The following USP50 variants were observed in gnomAD, a reference collection of about 807,000 sequenced individuals.
The protein encoded by USP50 is ubiquitin specific peptidase 50.
Under a neutral mutation model 39.2 loss-of-function variants are expected in USP50, and 37 were observed. The observed-to-expected ratio is 0.94, with a 90% confidence interval of 0.73 to 1.24. The LOEUF is 1.24. Ranked by LOEUF, USP50 falls within the 50% of genes most tolerant of loss-of-function variation. The pLI is 0.00. For synonymous variants in USP50, 139 were observed against 144.5 expected, an observed-to-expected ratio of 0.96 and a Z score of 0.27; for missense variants, 374 against 398.2, an observed-to-expected ratio of 0.94 and a Z score of 0.52.
chr15:50,510,059 TTAATA>T (rs1211442001), intron 6 of USP50: 3 of 152,042 alleles, frequency 2.0e-5, no homozygotes, highest in Non-Finnish European at 4.4e-5. Context: ...TTTAATAAAT[TTAATA>T]TTTTATAGCT....
intron 4 of USP50, 140 bp from the exon 5 acceptor site, chr15:50,538,991 A>C (rs1788224149): frequency 1.2e-6 from 1 of 852,170 alleles, no homozygotes; most frequent in African/African-American, 1.7e-5. Flanking sequence ...AGAAGACAAC[A>C]GTCTCACTAG....
intron 3 of USP50, among the ~76,000 whole-genome samples, chr15:50,543,309 A>G (rs1449737298): frequency 6.6e-6 from 1 of 152,248 alleles, no homozygotes; most frequent in African/African-American, 2.4e-5. Flanking sequence ...CTAGCTGACC[A>G]CTGGAAATGC....
intron 5 of USP50, among the ~76,000 whole-genome samples, chr15:50,537,502 A>T (rs1321652537): frequency 6.6e-6 from 1 of 151,850 alleles, no homozygotes; most frequent in Non-Finnish European, 1.5e-5. Context: ...AAGAGAATAA[A>T]AAACAAGCCA....
At chr15:50,493,918 G>A, downstream of USP50, 1 of 936,492 alleles carries the variant, frequency 1.1e-6, no homozygotes, top group Non-Finnish European at 1.7e-6. Context: ...AGATTCAGAT[G>A]AGAATCTGGT....
intron 6 of USP50, among the ~76,000 whole-genome samples, chr15:50,517,724 T>C (rs745714276): frequency 7.2e-5 from 11 of 152,092 alleles, no homozygotes; most frequent in Non-Finnish European, 1.6e-4. Context: ...GTTTTTTTTG[T>C]TTGTTTTTTC....
chr15:50,500,032 A>G (rs2052553151), downstream of USP50: 1 of 152,182 alleles, frequency 6.6e-6, no homozygotes, highest in Non-Finnish European at 1.5e-5. Context: ...AAAGGAGCTT[A>G]TAATTTATTT....
intron 5 of USP50, among the ~76,000 whole-genome samples, chr15:50,530,589 T>TA (rs1233831103): frequency 1.1e-4 from 16 of 150,264 alleles, no homozygotes; most frequent in African/African-American, 2.0e-4. Context: ...TTTCCAAAAA[T>TA]AAAAAATAAA....
At chr15:50,525,644 G>GTATATTA (rs2052888249) in intron 6 of USP50, among the ~76,000 whole-genome samples, 2 of 80,960 alleles carry the variant, frequency 2.5e-5, no homozygotes, top group African/African-American at 8.8e-5. Flanking sequence ...ATGTATATGT[G>GTATATTA]TATATGTATA....
At chr15:50,530,124 T>C (rs1399069681) in intron 5 of USP50, among the ~76,000 whole-genome samples, 195 bp from the exon 6 acceptor site, 1 of 152,042 alleles carries the variant, frequency 6.6e-6, no homozygotes, top group Non-Finnish European at 1.5e-5. Context: ...CTGAGTAACA[T>C]GGCAAAACCC....
intron 6 of USP50, among the ~76,000 whole-genome samples, chr15:50,521,310 G>A (rs1392904683): frequency 6.6e-6 from 1 of 152,134 alleles, no homozygotes; most frequent in Non-Finnish European, 1.5e-5. Flanking sequence ...TCAAAGTGCT[G>A]AGATTACAGG....
intron 5 of USP50, among the ~76,000 whole-genome samples, chr15:50,538,273 CAAAAAAA>C (rs766139797): frequency 2.6e-3 from 45 of 17,296 alleles, no homozygotes; most frequent in African/African-American, 5.1e-3. Flanking sequence ...GAGACTGTCT[CAAAAAAA>C]AAAAAAAAAA....
chr15:50,508,808 G>A (rs2052697361), intron 6 of USP50: 1 of 150,916 alleles, frequency 6.6e-6, no homozygotes, highest in Non-Finnish European at 1.5e-5. Flanking sequence ...AACCAGCTTG[G>A]GCAACATGGC....
At chr15:50,502,149 C>T (rs1037791812) in intron 6 of USP50, 1 of 152,194 alleles carries the variant, frequency 6.6e-6, no homozygotes. Flanking sequence ...TCTCTGTTGC[C>T]CAGGCTGGAA....
rs1456569264 is a variant in USP50, at chr15:50,500,854, T to A, written c.937-17A>T. 1 of 1,565,658 alleles carries A rather than the reference T, an allele frequency of 6.4e-7. No homozygotes were observed. The highest frequency in any genetic ancestry group is 8.7e-7 in the Non-Finnish European group (1 of 1,153,452). On this transcript the variant is annotated splice_polypyrimidine_tract_variant and intron_variant, in intron 6 of 6. Coordinates refer to ENST00000532404, the MANE Select transcript of USP50 (RefSeq NM_203494.5). Reference sequence around the variant, plus strand: ...AAAATGGTTCTATGGGAGAAAGGAATGTCAAACTTAGTATTCACATATGAA... The same window carrying A: ...AAAATGGTTCTATGGGAGAAAGGAAAGTCAAACTTAGTATTCACATATGAA...
Position 50,546,657 on chromosome 15 carries a change from G to T in USP50, c.-132C>A. ...TGATATGCTCCTCTCTCTTCCAGTA[G>T]CTGCGAACTGATTTTCACCTGTATC... On this transcript the variant is annotated 5_prime_UTR_variant, in exon 1 of 7. Coordinates refer to ENST00000532404, the MANE Select transcript of USP50 (RefSeq NM_203494.5). The T allele has an allele frequency of 1.1e-6, 1 of 921,156 alleles. No homozygotes were observed. The highest frequency in any genetic ancestry group is 1.7e-6 in the Non-Finnish European group (1 of 591,546). 57.1% of individuals were successfully genotyped at this position (921,156 alleles called of 1,614,324 possible).
chr15:50,501,308 A>C (rs2141337662), intron 6 of USP50: 1 of 154,960 alleles, frequency 6.5e-6, no homozygotes, highest in East Asian at 1.9e-4. Flanking sequence ...AAAGGAAAAA[A>C]AAAAAAAAAA....
At chr15:50,532,609 G>T (rs2052949951) in intron 5 of USP50, among the ~76,000 whole-genome samples, 1 of 151,996 alleles carries the variant, frequency 6.6e-6, no homozygotes, top group Admixed American at 6.6e-5. Context: ...AAATTACAAG[G>T]CATACTAAAA....
At chr15:50,526,018 G>A (rs554580686) in intron 6 of USP50, among the ~76,000 whole-genome samples, 4 of 151,926 alleles carry the variant, frequency 2.6e-5, no homozygotes, top group East Asian at 3.9e-4. Context: ...GGAAGGGAGC[G>A]GGATCATTAA....
At chr15:50,504,274 C>G (rs1296087270) in intron 6 of USP50, 1 of 152,204 alleles carries the variant, frequency 6.6e-6, no homozygotes, top group East Asian at 1.9e-4. Flanking sequence ...CGTGTAATCC[C>G]AACGTTTTTG....
Sources: gnomAD v4.1 joint callset for allele counts (sites outside exome capture counted in the v4.1 genomes callset) on GRCh38, gnomAD v4.1.1 for gene constraint, MANE v1.5 for transcripts, NCBI Gene and HGNC (gene_info 2026-07-23, HGNC 2026-07-21) for gene names.